The following GABRE variants were observed in gnomAD, a reference collection of about 807,000 sequenced individuals.
The protein encoded by GABRE is gamma-aminobutyric acid type A receptor subunit epsilon, also known as gamma-aminobutyric acid receptor subunit epsilon.
A neutral mutation model predicts 31.0 loss-of-function variants in GABRE; 20 were observed. That is an observed-to-expected ratio of 0.64 (90% CI 0.45 to 0.94). The LOEUF (loss-of-function observed/expected upper bound fraction) is 0.94. Ranked by LOEUF, GABRE falls within the 40% of genes least tolerant of loss-of-function variation. The pLI, the probability that GABRE is intolerant of heterozygous loss-of-function variation, is 0.00. For missense variants in GABRE, 420 were observed against 410.7 expected (o/e 1.02, Z -0.20); for synonymous variants, 155 against 150.6 (o/e 1.03, Z -0.21).
intron 1 of GABRE, chrX:151,970,695 G>T (rs1934667152): frequency 3.3e-6 from 1 of 304,990 alleles, no homozygotes; most frequent in African/African-American, 2.7e-5. Flanking sequence ...CACGTGAAAT[G>T]AAGAGGGCAT....
Position 151,954,949 on chromosome X carries a change from C to T in GABRE, c.1273G>A (p.Ala425Thr), listed in dbSNP as rs150837963. 6.3e-5 allele frequency: 76 copies of T among 1,206,519 alleles called. No individual in the cohort carries two copies. The highest frequency in any genetic ancestry group is 5.7e-5 in the Non-Finnish European group (51 of 893,490). Reference sequence around the variant, plus strand: ...CTACCTGGGCTAGGGGGCTGCTGGGCTGAGCAAGACGGGCGCTCCTCTCCA... The same window carrying T: ...CTACCTGGGCTAGGGGGCTGCTGGGTTGAGCAAGACGGGCGCTCCTCTCCA... ...SDGEERPSCS[A>T]QQPPSPGSPE... Residue 425 changes from alanine to threonine, a missense_variant, in exon 9 of 9, where the codon GCC (alanine) becomes ACC (threonine). By Grantham distance (58) the Ala-to-Thr change is moderately conservative. Transcript: ENST00000370328.
Position 151,961,331 on chromosome X carries a change from G to T in GABRE, c.598C>A (p.Leu200Ile), listed in dbSNP as rs1983686529. Residue 200 changes from leucine to isoleucine, a missense_variant, in exon 5 of 9, where the codon CTC becomes ATC. Leu to Ile is a conservative substitution (Grantham distance 5). Transcript: ENST00000370328. ...GAGTGAGAATCCATTGGAAATCTGAGCATGTGGAGTGAGCATCCGGCATCA... is the reference window on the plus strand; with the variant it reads ...GAGTGAGAATCCATTGGAAATCTGATCATGTGGAGTGAGCATCCGGCATCA... Reference protein sequence around the residue: ...TIDAGCSLHMLRFPMDSHSCP... With the variant: ...TIDAGCSLHMIRFPMDSHSCP... 1 of 1,205,150 alleles carries T rather than the reference G, an allele frequency of 8.3e-7. No homozygotes were observed. Among genetic ancestry groups the T allele is most frequent in the African/African-American group, 1.8e-5 (1 of 56,760 alleles).
Position 151,953,460 on chromosome X carries a change from G to C in GABRE, c.*1241C>G, listed in dbSNP as rs1326798806. 8.9e-6 allele frequency: 1 copy of C among 111,900 alleles called. No individual in the cohort carries two copies. Among genetic ancestry groups the C allele is most frequent in the Non-Finnish European group, 1.9e-5 (1 of 53,199 alleles). The allele number at this position is 111,900 out of a possible 1,213,427, so 9.2% of individuals were successfully genotyped here. On this transcript the variant is annotated 3_prime_UTR_variant, in exon 9 of 9. Transcript: ENST00000370328. Reference sequence around the variant, plus strand: ...CTATCATGTGGTCTAGAAGGTGACAGTGGGCTCTTGGATAGCTTCCAGTGA... The same window carrying C: ...CTATCATGTGGTCTAGAAGGTGACACTGGGCTCTTGGATAGCTTCCAGTGA...
chrX:151,972,419 A>G (rs1256785314), intron 1 of GABRE: 3 of 751,764 alleles, frequency 4.0e-6, no homozygotes, highest in Non-Finnish European at 4.7e-6. Context: ...GAGCCCTGAG[A>G]CCCTGTAAAA....
rs1156562170 is a variant in GABRE, at chrX:151,955,565, T to C, written c.940A>G (p.Ile314Val). ...GTGGTCATGGTCAGAACAGAGGTGA[T>C]CCCTGCAAGAGCACAAGAGTGATGG... ...ESAPARTSLG[I>V]TSVLTMTTLG... Residue 314 changes from isoleucine (I) to valine (V), a missense_variant and splice_region_variant, in exon 8 of 9, where the codon ATC (isoleucine) becomes GTC (valine). By Grantham distance (29) the Ile-to-Val change is conservative. Transcript: ENST00000370328. The C allele has an allele frequency of 8.3e-7, 1 of 1,208,812 alleles. No homozygotes were observed. The highest frequency in any genetic ancestry group is 1.7e-5 in the African/African-American group (1 of 57,226).
rs1189132610 is a variant in GABRE at position 151,970,165 on chromosome X, A to T, written c.274+20T>A. 8.3e-7 allele frequency: 1 copy of T among 1,210,356 alleles called. No individual in the cohort carries two copies. Among genetic ancestry groups the T allele is most frequent in the Non-Finnish European group, 1.1e-6 (1 of 895,062 alleles). ...CCCCTGGACCCTCTAGGAGGGGAAG[A>T]ACGTCGTTCTGCTCCTCACCTCCAA... On this transcript the variant is annotated intron_variant, in intron 2 of 8. Transcript: ENST00000370328.
chrX:151,967,252 G>C (rs1363571595), intron 3 of GABRE, among the ~76,000 whole-genome samples: 1 of 112,393 alleles, frequency 8.9e-6, no homozygotes, highest in Non-Finnish European at 1.9e-5. Flanking sequence ...GTGGAAATTA[G>C]ACCGGTTACT....
chrX:151,970,102 T>C (rs965983234), intron 2 of GABRE, 83 bp downstream of exon 2: 1 of 1,173,523 alleles, frequency 8.5e-7, no homozygotes, highest in Non-Finnish European at 1.1e-6. Context: ...GCACCCTCTG[T>C]TACTGCCCAG....
rs1569455632 is a variant in GABRE at position 151,970,326 on chromosome X, G to C, written c.133C>G (p.Leu45Val). 1 of 1,211,871 alleles carries C rather than the reference G, an allele frequency of 8.3e-7. No individual in the cohort carries two copies. ...DVVYGPQPQP[L>V]ENQLLSEETK... ...TCCTCAGAGAGGAGCTGATTTTCCA[G>C]AGGCTGGGGCTGGGGGCCATAGACA... The change falls in exon 2 of 9, where the codon CTG becomes GTG. Residue 45 changes from leucine (L) to valine (V), a missense_variant. By Grantham distance (32) the Leu-to-Val change is conservative. Coordinates refer to ENST00000370328, the MANE Select transcript of GABRE (RefSeq NM_004961.4).
intron 1 of GABRE, 44 bp from the exon 2 acceptor site, chrX:151,970,446 T>G (rs774617335): frequency 8.5e-7 from 1 of 1,173,770 alleles, no homozygotes; most frequent in Admixed American, 2.4e-5. Flanking sequence ...CTGCACTCTG[T>G]AGGGGCCCCA....
chrX:151,959,713 A>G, intron 6 of GABRE, 126 bp downstream of exon 6: 1 of 745,255 alleles, frequency 1.3e-6, no homozygotes, highest in Non-Finnish European at 2.1e-6. Context: ...AGTGCTTAGC[A>G]ATTATAAGAC....
intron 2 of GABRE, chrX:151,969,968 C>A: frequency 9.3e-7 from 1 of 1,073,543 alleles, no homozygotes; most frequent in Non-Finnish European, 1.2e-6. Context: ...TCTCATTTTA[C>A]CACTGGAAAA....
chrX:151,967,131 C>T (rs747814628), intron 3 of GABRE, among the ~76,000 whole-genome samples: 48 of 111,750 alleles, frequency 4.3e-4, no homozygotes, highest in Non-Finnish European at 7.9e-4. Flanking sequence ...CATCTTGGCG[C>T]CCCCTGCTCC....
Position 151,969,720 on chromosome X carries a change from G to A in GABRE, c.291C>T (p.Val97=). 1 of 1,210,019 alleles carries A rather than the reference G, an allele frequency of 8.3e-7. No individual in the cohort carries two copies. The highest frequency in any genetic ancestry group is 1.1e-6 in the Non-Finnish European group (1 of 894,501). The change falls in exon 3 of 9, where the codon GTC becomes GTT. Residue 97 remains valine (V), a synonymous_variant. Transcript: ENST00000370328. The part of the protein sequence containing the change: ...RPGIGEKPTV[V]TVEISVNSLG... ...GGCTGTTGACGGAGATCTCAACAGT[G>A]ACCACAGTGGGCTTCTCTATAAGGG...
At position 151,959,828 on chromosome X, in the gene GABRE, G is replaced by C; in HGVS notation, c.784+11C>G. The C allele has an allele frequency of 8.3e-7, 1 of 1,209,002 alleles. No individual in the cohort carries two copies. Among genetic ancestry groups the C allele is most frequent in the Non-Finnish European group, 1.1e-6 (1 of 893,879 alleles). ...CCTTCCTGGACTTCCGCCAAGCCCTGGCACGCTTACCAACTGGGGTTGTGA... is the reference window on the plus strand; with the variant it reads ...CCTTCCTGGACTTCCGCCAAGCCCTCGCACGCTTACCAACTGGGGTTGTGA... On this transcript the variant is annotated intron_variant, in intron 6 of 8. Transcript: ENST00000370328.
chrX:151,964,509 A>C (rs1476403349), intron 3 of GABRE, among the ~76,000 whole-genome samples: 2 of 111,796 alleles, frequency 1.8e-5, no homozygotes, highest in Non-Finnish European at 3.8e-5. Flanking sequence ...AGAAACAGAC[A>C]GGCGATGGTG....
intron 3 of GABRE, among the ~76,000 whole-genome samples, chrX:151,966,928 C>G (rs1209992122): frequency 8.9e-6 from 1 of 112,020 alleles, no homozygotes; most frequent in Admixed American, 9.4e-5. Flanking sequence ...GAGGCCACTG[C>G]TGGCAGCATG....
At chrX:151,971,056 C>T (rs907738922) in intron 1 of GABRE, 3 of 822,209 alleles carry the variant, frequency 3.6e-6, no homozygotes, top group Middle Eastern at 6.3e-4. Flanking sequence ...CCATGCACCA[C>T]AGCCAAGAAA....
At position 151,974,510 on chromosome X, in the gene GABRE, G is replaced by A; in HGVS notation, c.56+60C>T. The A allele has an allele frequency of 1.1e-5, 8 of 699,410 alleles. No individual in the cohort carries two copies. In the South Asian group the frequency reaches 2.0e-4, roughly 17 times the overall value. 57.6% of individuals were successfully genotyped at this position (699,410 alleles called of 1,213,427 possible). On this transcript the variant is annotated intron_variant, in intron 1 of 8. Transcript: ENST00000370328. ...CCGCTGGGGTCCCGGGAGCCGTCCC[G>A]GCTCCCGGGGAGAGGGAGCTGGGCG...
Sources: gnomAD v4.1 joint callset for allele counts (sites outside exome capture counted in the v4.1 genomes callset) on GRCh38, gnomAD v4.1.1 for gene constraint, MANE v1.5 for transcripts, NCBI Gene and HGNC (gene_info 2026-07-23, HGNC 2026-07-21) for gene names.